RHBDD1: variants seen among roughly 807,000 people sequenced by gnomAD.
RHBDD1 encodes rhomboid domain containing 1.
A neutral mutation model predicts 36.3 loss-of-function variants in RHBDD1; 38 were observed. The observed-to-expected ratio is 1.05, with a 90% CI of 0.81 to 1.37. RHBDD1 has a LOEUF of 1.37. Ranked by LOEUF, RHBDD1 falls within the 40% of genes most tolerant of loss-of-function variation. The pLI is 0.00. For missense variants in RHBDD1, 393 were observed against 377.6 expected, an observed-to-expected ratio of 1.04 and a Z score of -0.34; for synonymous variants, 151 against 136.5, an observed-to-expected ratio of 1.11 and a Z score of -0.74.
At chr2:226,852,849 T>G (rs1192174230) in intron 3 of RHBDD1, among the ~76,000 whole-genome samples, 1 of 150,806 alleles carries the variant, frequency 6.6e-6, no homozygotes. Flanking sequence ...TCCTCCTGCC[T>G]CAGCCTCCTA....
intron 8 of RHBDD1, among the ~76,000 whole-genome samples, chr2:226,925,681 T>C (rs1342720567): frequency 6.6e-6 from 1 of 152,234 alleles, no homozygotes; most frequent in East Asian, 1.9e-4. Flanking sequence ...TTTGCCATTG[T>C]TAGTTACTGT....
chr2:226,959,892 G>A (rs1414421199), intron 8 of RHBDD1, among the ~76,000 whole-genome samples: 6 of 151,850 alleles, frequency 4.0e-5, no homozygotes, highest in South Asian at 2.1e-4. Context: ...GCGCGATCTC[G>A]GCTCACTGCA....
At chr2:226,894,139 A>G (rs150584619) in intron 5 of RHBDD1, among the ~76,000 whole-genome samples, 4 of 152,332 alleles carry the variant, frequency 2.6e-5, no homozygotes, top group African/African-American at 9.6e-5. Flanking sequence ...TGAGTCACAA[A>G]AAGCCTGCAT....
At chr2:226,974,814 C>A (rs1037850555) in intron 8 of RHBDD1, among the ~76,000 whole-genome samples, 3 of 152,158 alleles carry the variant, frequency 2.0e-5, no homozygotes, top group African/African-American at 4.8e-5. Context: ...ACAGTGCTCA[C>A]GGTGTCATCG....
At chr2:226,875,013 C>T (rs544982454) in intron 5 of RHBDD1, among the ~76,000 whole-genome samples, 42 of 152,268 alleles carry the variant, frequency 2.8e-4, no homozygotes, top group African/African-American at 1.0e-3. Flanking sequence ...TTAATTACTT[C>T]TTTGTCTTTG....
intron 3 of RHBDD1, among the ~76,000 whole-genome samples, chr2:226,843,528 CAT>C (rs1428615675): frequency 6.6e-6 from 1 of 152,128 alleles, no homozygotes; most frequent in African/African-American, 2.4e-5. Context: ...TTGAGATACT[CAT>C]GTGGTTTTTG....
chr2:226,922,276 C>G (rs7583488), intron 8 of RHBDD1, among the ~76,000 whole-genome samples: 2 of 133,634 alleles, frequency 1.5e-5, no homozygotes, highest in Admixed American at 1.7e-4. Context: ...GGTGTGATCT[C>G]GGCTCACTGT....
intron 8 of RHBDD1, among the ~76,000 whole-genome samples, chr2:226,975,169 C>T (rs891703820): frequency 6.6e-6 from 1 of 152,072 alleles, no homozygotes; most frequent in East Asian, 1.9e-4. Flanking sequence ...TATGGTGCCC[C>T]AGAATGATAA....
At chr2:226,876,492 T>A (rs1316633503) in intron 5 of RHBDD1, among the ~76,000 whole-genome samples, 2 of 152,222 alleles carry the variant, frequency 1.3e-5, no homozygotes, top group African/African-American at 4.8e-5. Flanking sequence ...TTATACCTAC[T>A]TTGTGAAGAA....
chr2:226,961,246 G>A (rs1469644921), intron 8 of RHBDD1, among the ~76,000 whole-genome samples: 1 of 152,106 alleles, frequency 6.6e-6, no homozygotes, highest in African/African-American at 2.4e-5. Context: ...TTGTGGGTAG[G>A]GAGGTATATT....
At chr2:226,957,835 G>A (rs775323405) in intron 8 of RHBDD1, among the ~76,000 whole-genome samples, 6 of 151,970 alleles carry the variant, frequency 3.9e-5, no homozygotes, top group Admixed American at 2.6e-4. Flanking sequence ...GATCAAAACC[G>A]CAATGAGATA....
chr2:226,818,176 T>TTTA, the RHBDD1 span, among the ~76,000 whole-genome samples: 17 of 131,108 alleles, frequency 1.3e-4, no homozygotes, highest in Non-Finnish European at 2.0e-4. Flanking sequence ...TTTTTTTTTT[T>TTTA]TGAGATGGAG....
intron 3 of RHBDD1, among the ~76,000 whole-genome samples, chr2:226,862,745 G>A (rs1305437008): frequency 6.6e-6 from 1 of 152,152 alleles, no homozygotes; most frequent in African/African-American, 2.4e-5. Flanking sequence ...AAGAAAAGAG[G>A]TCTATTTAGC....
chr2:226,861,046 AGG>A (rs1943806990), intron 3 of RHBDD1, among the ~76,000 whole-genome samples: 1 of 152,236 alleles, frequency 6.6e-6, no homozygotes, highest in African/African-American at 2.4e-5. Flanking sequence ...GAGTGAAAGA[AGG>A]AATGGCTGAA....
upstream of RHBDD1, among the ~76,000 whole-genome samples, chr2:226,833,474 C>T (rs911950883): frequency 6.6e-6 from 1 of 152,220 alleles, no homozygotes; most frequent in Non-Finnish European, 1.5e-5. Flanking sequence ...GTTACCACCA[C>T]TCCTCCGCTT....
intron 8 of RHBDD1, among the ~76,000 whole-genome samples, chr2:226,927,879 A>G (rs1326818229): frequency 6.6e-6 from 1 of 152,098 alleles, no homozygotes; most frequent in African/African-American, 2.4e-5. Flanking sequence ...TGATTTGCAA[A>G]TATTTTCCCT....
At chr2:226,834,013 T>C (rs764196433), upstream of RHBDD1, among the ~76,000 whole-genome samples, 5 of 152,266 alleles carry the variant, frequency 3.3e-5, no homozygotes, top group Non-Finnish European at 5.9e-5. Flanking sequence ...TAAATGTCTA[T>C]GAAAATTTTC....
At chr2:226,856,220 T>C (rs1381900900) in intron 3 of RHBDD1, among the ~76,000 whole-genome samples, 1 of 152,212 alleles carries the variant, frequency 6.6e-6, no homozygotes, top group Non-Finnish European at 1.5e-5. Flanking sequence ...TTACATGTTA[T>C]TCAAACAACT....
At chr2:226,946,751 A>G (rs565938014) in intron 8 of RHBDD1, among the ~76,000 whole-genome samples, 1 of 152,202 alleles carries the variant, frequency 6.6e-6, no homozygotes, top group African/African-American at 2.4e-5. Context: ...GAAATGGATA[A>G]ATTCCTGGAC....
Sources: allele counts gnomAD v4.1 joint callset (sites outside exome capture counted in the v4.1 genomes callset), GRCh38; gene constraint gnomAD v4.1.1; transcripts MANE v1.5; gene names NCBI Gene and HGNC (gene_info 2026-07-23, HGNC 2026-07-21).